The following DSCAM variants were observed in gnomAD, a reference collection of about 807,000 sequenced individuals.
The protein encoded by DSCAM is DS cell adhesion molecule.
Under a neutral mutation model 217.7 loss-of-function variants are expected in DSCAM, and 47 were observed. The ratio of observed to expected loss-of-function variants is 0.22; its 90% CI spans 0.17 to 0.28. The LOEUF is 0.28. Ranked by LOEUF, DSCAM falls within the 10% of genes least tolerant of loss-of-function variation. The pLI is 1.00. For synonymous variants in DSCAM, 1,056 were observed against 1,015.3 expected (o/e 1.04, Z -0.76); for missense variants, 2,080 against 2,618.3 (o/e 0.79, Z 4.49).
chr21:40,627,890 G>C (rs1041171343), intron 3 of DSCAM, among the ~76,000 whole-genome samples: 1 of 152,110 alleles, frequency 6.6e-6, no homozygotes, highest in Non-Finnish European at 1.5e-5. Flanking sequence ...TCCCATTCTT[G>C]GACAGAGTTT....
rs753967474 is a variant in DSCAM at position 40,496,255 on chromosome 21, A to G, written c.509-127010T>C. ...AAGAACAAGTTGGAAGCATCACACT[A>G]CTTGCCTCCAAAATATATACAAAGC... On this transcript the variant is annotated intron_variant, in intron 3 of 32. Transcript: ENST00000400454. 1.9e-4 allele frequency among the ~76,000 whole-genome samples: 29 copies of G among 152,176 alleles called. 1 individual carries two copies. Among genetic ancestry groups the G allele is most frequent in the Non-Finnish European group, 1.0e-4 (7 of 68,030 alleles).
chr21:40,475,770 G>A (rs910574639), intron 3 of DSCAM, among the ~76,000 whole-genome samples: 1 of 152,146 alleles, frequency 6.6e-6, no homozygotes, highest in African/African-American at 2.4e-5. Context: ...GGCGGAGGTT[G>A]CAGTGAGCCT....
At position 40,121,681 on chromosome 21, in the gene DSCAM, C is replaced by CTTTTTTTTTTTT. The variant is rs201672838; in HGVS notation, c.3696+2502_3696+2513dup. On this transcript the variant is annotated intron_variant, in intron 20 of 32. Transcript: ENST00000400454. Reference sequence around the variant, plus strand: ...CTGGTGGGTTTGCTCTCATTACTGTCTTTTTTTTTTTTTTTTTTTTTTTTT... The same window carrying CTTTTTTTTTTTT: ...CTGGTGGGTTTGCTCTCATTACTGTCTTTTTTTTTTTTTTTTTTTTTTTTTTTTTTTTTTTTT... Among the ~76,000 whole-genome samples, 433 of 73,722 alleles carry CTTTTTTTTTTTT rather than the reference C, an allele frequency of 5.9e-3. 53 individuals carry two copies. Among genetic ancestry groups the CTTTTTTTTTTTT allele is most frequent in the African/African-American group, 0.014 (249 of 17,380 alleles). The allele number at this position is 73,722 out of a possible 152,430, so 48.4% of individuals were successfully genotyped here. A position where few individuals can be genotyped will look rare whatever the true frequency, so the allele number is the denominator to read the frequency against.
chr21:40,067,321 C>A (rs941736398), intron 27 of DSCAM, among the ~76,000 whole-genome samples: 3 of 152,214 alleles, frequency 2.0e-5, no homozygotes, highest in African/African-American at 7.2e-5. Flanking sequence ...TCTGCATAAT[C>A]ATTTTCTAAC....
intron 3 of DSCAM, among the ~76,000 whole-genome samples, chr21:40,457,290 T>C (rs893126396): frequency 2.6e-5 from 4 of 152,088 alleles, no homozygotes; most frequent in Admixed American, 6.5e-5. Flanking sequence ...GGCGGGAGGA[T>C]TGCTTGAGCC....
At chr21:40,799,753 T>C (rs1242436179) in intron 1 of DSCAM, among the ~76,000 whole-genome samples, 1 of 152,230 alleles carries the variant, frequency 6.6e-6, no homozygotes, top group Non-Finnish European at 1.5e-5. Context: ...CTCCTGCCTT[T>C]CTCTTTTAAA....
chr21:40,364,713 C>T (rs1179047258), intron 4 of DSCAM, among the ~76,000 whole-genome samples: 1 of 146,558 alleles, frequency 6.8e-6, no homozygotes, highest in African/African-American at 2.5e-5. Flanking sequence ...TATATACACA[C>T]ACAGTAGTAT....
At chr21:40,479,077 A>G (rs1437358547) in intron 3 of DSCAM, among the ~76,000 whole-genome samples, 1 of 152,208 alleles carries the variant, frequency 6.6e-6, no homozygotes, top group African/African-American at 2.4e-5. Flanking sequence ...TAAGAACAGA[A>G]GCCCACCTAT....
At chr21:40,535,659 G>A (rs906519829) in intron 3 of DSCAM, among the ~76,000 whole-genome samples, 5 of 152,186 alleles carry the variant, frequency 3.3e-5, no homozygotes, top group African/African-American at 1.2e-4. Context: ...AGAGGAGACA[G>A]GATGGATAAG....
At chr21:40,715,500 A>G (rs2090831991) in intron 1 of DSCAM, among the ~76,000 whole-genome samples, 1 of 152,188 alleles carries the variant, frequency 6.6e-6, no homozygotes, top group Non-Finnish European at 1.5e-5. Context: ...CAGAGAAGAG[A>G]GGCAGGGGTG....
intron 9 of DSCAM, among the ~76,000 whole-genome samples, chr21:40,305,854 A>G (rs1453314449): frequency 1.3e-5 from 2 of 152,116 alleles, no homozygotes; most frequent in African/African-American, 2.4e-5. Flanking sequence ...GCCTTGTAGT[A>G]TAGTTTGAAG....
intron 9 of DSCAM, among the ~76,000 whole-genome samples, chr21:40,307,388 A>G (rs2074090611): frequency 6.6e-6 from 1 of 152,208 alleles, no homozygotes; most frequent in African/African-American, 2.4e-5. Flanking sequence ...GTGAGATACC[A>G]TCTCACACCA....
At position 40,640,227 on chromosome 21, in the gene DSCAM, G is replaced by A. The variant is rs377174189; in HGVS notation, c.508+52583C>T. 2.2e-5 allele frequency among the ~76,000 whole-genome samples: 3 copies of A among 139,232 alleles called. No homozygotes were observed. The South Asian group carries it at 6.9e-4, about 32-fold the overall frequency. The allele number at this position is 139,232 out of a possible 152,430, so 91.3% of individuals were successfully genotyped here. A position where few individuals can be genotyped will look rare whatever the true frequency, so the allele number is the denominator to read the frequency against. On this transcript the variant is annotated intron_variant, in intron 3 of 32. Transcript: ENST00000400454. ...AAGGTGGGACTTGAGGGGAGACCTG[G>A]AGACAAGGCCACCTTTTCTTTTTCA...
chr21:40,075,342 A>C, intron 26 of DSCAM, 129 bp from the exon 27 acceptor site: 2 of 994,574 alleles, frequency 2.0e-6, no homozygotes, highest in East Asian at 2.6e-5. Context: ...AATGAAAAGA[A>C]CTCTGTCTCT....
intron 3 of DSCAM, among the ~76,000 whole-genome samples, chr21:40,448,505 G>A (rs1007956691): frequency 1.3e-5 from 2 of 152,082 alleles, no homozygotes; most frequent in Admixed American, 6.6e-5. Context: ...AGGCTGACTC[G>A]CACCACCAGC....
chr21:40,047,141 G>A (rs1195221084), intron 30 of DSCAM, among the ~76,000 whole-genome samples: 4 of 151,998 alleles, frequency 2.6e-5, no homozygotes, highest in African/African-American at 4.8e-5. Flanking sequence ...GCATCCTAGG[G>A]TCAAAATTGC....
intron 3 of DSCAM, among the ~76,000 whole-genome samples, chr21:40,477,393 G>T (rs1365595968): frequency 1.3e-5 from 2 of 152,090 alleles, no homozygotes; most frequent in African/African-American, 2.4e-5. Context: ...GCAAAAAAAA[G>T]AAAACGGTAT....
intron 1 of DSCAM, among the ~76,000 whole-genome samples, chr21:40,780,246 G>A (rs1217679756): frequency 1.3e-5 from 2 of 151,972 alleles, no homozygotes; most frequent in Admixed American, 1.3e-4. Context: ...TCTATCAGAA[G>A]CTAAGGGACC....
rs1601631949 is a variant in DSCAM, at chr21:40,423,949, T to C, written c.509-54704A>G. 2.0e-5 allele frequency among the ~76,000 whole-genome samples: 3 copies of C among 152,330 alleles called. 1 individual carries two copies. The highest frequency in any genetic ancestry group is 2.1e-4 in the South Asian group (1 of 4,830). On this transcript the variant is annotated intron_variant, in intron 3 of 32. Transcript: ENST00000400454. Reference sequence around the variant, plus strand: ...GAGAAATATTACAAACAAAATTTTATATTTCCTCACTTTCCTATTATCCTT... The same window carrying C: ...GAGAAATATTACAAACAAAATTTTACATTTCCTCACTTTCCTATTATCCTT...
Sources: allele counts gnomAD v4.1 joint callset (sites outside exome capture counted in the v4.1 genomes callset), GRCh38; gene constraint gnomAD v4.1.1; transcripts MANE v1.5; gene names NCBI Gene and HGNC (gene_info 2026-07-23, HGNC 2026-07-21).